The following TENM3 variants were observed in gnomAD, a reference collection of about 807,000 sequenced individuals.
The protein encoded by TENM3 is teneurin transmembrane protein 3.
In TENM3, 63 loss-of-function variants were observed where a neutral mutation model predicts 255.1. The observed-to-expected ratio is 0.25, with a 90% CI of 0.20 to 0.30. The LOEUF (loss-of-function observed/expected upper bound fraction) is 0.30, where lower values mean the gene tolerates loss of function less well. TENM3 is among the 10% of genes least tolerant of loss of function. The probability of loss-of-function intolerance (pLI) is 1.00; values close to 1 mark genes in which losing one functional copy is unlikely to be tolerated. For synonymous variants in TENM3, 1,306 were observed against 1,322.3 expected (o/e 0.99, Z 0.27); for missense variants, 2,929 against 3,461.1 (o/e 0.85, Z 3.86).
the TENM3 span, among the ~76,000 whole-genome samples, chr4:181,863,889 A>G: frequency 6.6e-6 from 1 of 152,214 alleles, no homozygotes; most frequent in African/African-American, 2.4e-5. Flanking sequence ...AACACAGCAC[A>G]GCCCATGATG....
the TENM3 span, among the ~76,000 whole-genome samples, chr4:181,592,929 T>C: frequency 2.6e-5 from 4 of 152,282 alleles, no homozygotes; most frequent in South Asian, 2.1e-4. Context: ...AATGTCTTCT[T>C]TGAGTTGAAC....
chr4:182,370,567 T>G (rs1466887101), intron 3 of TENM3, among the ~76,000 whole-genome samples: 1 of 152,218 alleles, frequency 6.6e-6, no homozygotes, highest in Non-Finnish European at 1.5e-5. Context: ...CCCTTTCTCT[T>G]TCACATACTT....
At chr4:181,877,948 C>T in the TENM3 span, among the ~76,000 whole-genome samples, 1 of 152,116 alleles carries the variant, frequency 6.6e-6, no homozygotes. Flanking sequence ...CTAGTGTAGG[C>T]GTATGGCGTT....
chr4:182,274,112 AAG>A (rs1759834499), intron 1 of TENM3, among the ~76,000 whole-genome samples: 1 of 152,202 alleles, frequency 6.6e-6, no homozygotes, highest in Non-Finnish European at 1.5e-5. Flanking sequence ...AGGAAATGGA[AAG>A]AGACTTCAAA....
intron 3 of TENM3, among the ~76,000 whole-genome samples, chr4:182,379,282 G>C (rs113324456): frequency 2.1e-5 from 2 of 95,472 alleles, no homozygotes; most frequent in South Asian, 4.1e-4. Flanking sequence ...ACTTGAACCC[G>C]GGGAGTGGAG....
the TENM3 span, among the ~76,000 whole-genome samples, chr4:181,463,409 A>G: frequency 9.9e-5 from 15 of 152,042 alleles, no homozygotes; most frequent in Non-Finnish European, 1.8e-4. Flanking sequence ...AGTATTTCCT[A>G]TTCCATCATA....
At chr4:181,884,532 C>G in the TENM3 span, among the ~76,000 whole-genome samples, 1 of 152,100 alleles carries the variant, frequency 6.6e-6, no homozygotes, top group Admixed American at 6.5e-5. Context: ...ATTCTGTGTA[C>G]CTCATATAAG....
chr4:181,741,692 T>G, the TENM3 span, among the ~76,000 whole-genome samples: 1 of 152,120 alleles, frequency 6.6e-6, no homozygotes, highest in Non-Finnish European at 1.5e-5. Context: ...CATCATTCAT[T>G]ACGAAATGGG....
At chr4:181,845,636 T>C in the TENM3 span, among the ~76,000 whole-genome samples, 1 of 152,222 alleles carries the variant, frequency 6.6e-6, no homozygotes, top group Non-Finnish European at 1.5e-5. Flanking sequence ...GATCCAGTTA[T>C]AAAATTTCTG....
intron 3 of TENM3, among the ~76,000 whole-genome samples, chr4:182,544,372 C>T (rs1741209718): frequency 8.2e-6 from 1 of 121,966 alleles, no homozygotes; most frequent in East Asian, 2.8e-4. Flanking sequence ...TGCTCTGTCA[C>T]TAGGCTAGAG....
the TENM3 span, among the ~76,000 whole-genome samples, chr4:181,961,541 T>A: frequency 6.6e-6 from 1 of 152,170 alleles, no homozygotes; most frequent in Admixed American, 6.5e-5. Context: ...TGCCTCAGCC[T>A]CCCGAGTAGC....
chr4:182,528,833 A>C (rs1055110258), intron 3 of TENM3, among the ~76,000 whole-genome samples: 3 of 152,214 alleles, frequency 2.0e-5, no homozygotes, highest in Non-Finnish European at 4.4e-5. Flanking sequence ...TGTTTTAAGA[A>C]AGTTTATGAA....
rs114525743 is a variant in TENM3, at chr4:182,705,439, G to A, written c.2222-8648G>A. On this transcript the variant is annotated intron_variant, in intron 12 of 27. Coordinates refer to ENST00000511685, the MANE Select transcript of TENM3 (RefSeq NM_001080477.4). ...TACCGAGGATTCAAGCCAGTAGCCC[G>A]GTGAAAATATTATACGGTACTATTT... is the stretch of plus-strand genomic sequence containing the variant. Among the ~76,000 whole-genome samples, 1,383 of 152,226 alleles carry A rather than the reference G, an allele frequency of 9.1e-3. 25 individuals carry two copies. The highest frequency in any genetic ancestry group is 0.031 in the African/African-American group (1,269 of 41,500).
At chr4:182,037,517 T>A in the TENM3 span, among the ~76,000 whole-genome samples, 2 of 152,194 alleles carry the variant, frequency 1.3e-5, no homozygotes, top group Non-Finnish European at 2.9e-5. Flanking sequence ...AACTTCTATA[T>A]CAAATGTATT....
intron 12 of TENM3, among the ~76,000 whole-genome samples, chr4:182,710,917 C>T (rs1758702472): frequency 6.6e-6 from 1 of 152,134 alleles, no homozygotes; most frequent in African/African-American, 2.4e-5. Flanking sequence ...GAAAAAGATT[C>T]AGTCTTAGTC....
At chr4:182,347,963 C>G (rs755084599) in intron 3 of TENM3, among the ~76,000 whole-genome samples, 4 of 152,154 alleles carry the variant, frequency 2.6e-5, no homozygotes, top group Non-Finnish European at 5.9e-5. Context: ...GTGACTTTGT[C>G]AGCTTTGCTT....
the TENM3 span, among the ~76,000 whole-genome samples, chr4:181,838,640 G>GT: frequency 6.6e-6 from 1 of 152,044 alleles, no homozygotes; most frequent in South Asian, 2.1e-4. Flanking sequence ...AGTTTGATAA[G>GT]TTATACTTTA....
chr4:182,030,381 G>T, the TENM3 span, among the ~76,000 whole-genome samples: 1 of 151,916 alleles, frequency 6.6e-6, no homozygotes, highest in Non-Finnish European at 1.5e-5. Context: ...ATGGCTTCCA[G>T]CTCCATCCCT....
intron 1 of TENM3, among the ~76,000 whole-genome samples, chr4:182,268,240 A>G (rs1759367956): frequency 6.6e-6 from 1 of 152,222 alleles, no homozygotes; most frequent in South Asian, 2.1e-4. Flanking sequence ...GTTTTCTTAA[A>G]CACTTATTAA....
Sources: gnomAD v4.1 joint callset for allele counts (sites outside exome capture counted in the v4.1 genomes callset) on GRCh38, gnomAD v4.1.1 for gene constraint, MANE v1.5 for transcripts, NCBI Gene and HGNC (gene_info 2026-07-23, HGNC 2026-07-21) for gene names.